ORC3: variants seen among roughly 807,000 people sequenced by gnomAD.
ORC3 encodes origin recognition complex subunit 3.
A neutral mutation model predicts 100.7 loss-of-function variants in ORC3; 78 were observed. The observed-to-expected ratio is 0.77, with a 90% CI of 0.65 to 0.94. The LOEUF (loss-of-function observed/expected upper bound fraction) is 0.94. ORC3 is among the 40% of genes least tolerant of loss of function. The pLI is 0.00. For missense variants in ORC3, 789 were observed against 823.9 expected (o/e 0.96, Z 0.52); for synonymous variants, 295 against 289.3 (o/e 1.02, Z -0.20).
At chr6:87,609,537 G>T (rs994319362) in intron 7 of ORC3, 6 of 198,320 alleles carry the variant, frequency 3.0e-5, no homozygotes, top group Non-Finnish European at 6.0e-5. Flanking sequence ...ACTCCAGGTT[G>T]AGTTTGTTGT....
At chr6:87,651,316 C>G (rs1330109414) in intron 13 of ORC3, 1 of 456,168 alleles carries the variant, frequency 2.2e-6, no homozygotes, top group South Asian at 1.5e-5. Flanking sequence ...ACCCGTCTTT[C>G]CCCTCCAAGC....
chr6:87,602,954 A>AATATATATATATATATATATATTATAT (rs397935596), intron 3 of ORC3, among the ~76,000 whole-genome samples: 32 of 95,244 alleles, frequency 3.4e-4, no homozygotes, highest in African/African-American at 1.2e-3. Context: ...ACACATATAT[A>AATATATATATATATATATATATTATAT]ATATATATAT....
At chr6:87,610,896 C>T (rs1437086935) in intron 7 of ORC3, among the ~76,000 whole-genome samples, 1 of 147,164 alleles carries the variant, frequency 6.8e-6, no homozygotes, top group Non-Finnish European at 1.5e-5. Flanking sequence ...ATCTTTTTTC[C>T]TTCATTGATT....
At chr6:87,595,343 T>G (rs1434121615) in intron 2 of ORC3, 1 of 152,236 alleles carries the variant, frequency 6.6e-6, no homozygotes, top group Non-Finnish European at 1.5e-5. Context: ...CACTAAGATT[T>G]CTCCCTATTC....
chr6:87,622,964 A>C (rs184109986), intron 11 of ORC3, among the ~76,000 whole-genome samples: 2 of 152,154 alleles, frequency 1.3e-5, no homozygotes, highest in Non-Finnish European at 2.9e-5. Flanking sequence ...TTTAGGAAAA[A>C]GTTGTTAGAA....
chr6:87,635,799 A>C (rs1767772966), intron 12 of ORC3, among the ~76,000 whole-genome samples: 1 of 152,134 alleles, frequency 6.6e-6, no homozygotes, highest in Non-Finnish European at 1.5e-5. Context: ...CTAAAAAAAA[A>C]GAATGACTTG....
chr6:87,650,956 G>A lies in ORC3; in HGVS notation c.1383-2160G>A, dbSNP rs142152474. ...TGGGAGGCAGAGGTTGCGGTGAGCC[G>A]AGATCACGCCATTGCACCCTAGCCT... On this transcript the variant is annotated intron_variant, in intron 13 of 19. Coordinates refer to ENST00000392844, the MANE Select transcript of ORC3 (RefSeq NM_012381.4). 1,257 of 332,982 alleles carry A rather than the reference G, an allele frequency of 3.8e-3. 22 individuals are homozygous for A. The highest frequency in any genetic ancestry group is 0.026 in the African/African-American group (1,192 of 46,594). 20.6% of individuals were successfully genotyped at this position (332,982 alleles called of 1,614,324 possible). A position where few individuals can be genotyped will look rare whatever the true frequency, so the allele number is the denominator to read the frequency against.
At chr6:87,593,304 G>A (rs555608429) in intron 1 of ORC3, among the ~76,000 whole-genome samples, 2 of 152,266 alleles carry the variant, frequency 1.3e-5, no homozygotes, top group African/African-American at 4.8e-5. Context: ...ATGTATGTTA[G>A]CACTATTCCA....
At chr6:87,617,514 C>T (rs1408710738) in intron 9 of ORC3, among the ~76,000 whole-genome samples, 1 of 152,056 alleles carries the variant, frequency 6.6e-6, no homozygotes, top group Admixed American at 6.6e-5. Flanking sequence ...GTGGGAGGAT[C>T]ACTTGAGCTT....
chr6:87,625,805 G>A (rs978362469), intron 11 of ORC3, among the ~76,000 whole-genome samples: 7 of 152,116 alleles, frequency 4.6e-5, no homozygotes, highest in Non-Finnish European at 7.4e-5. Context: ...TTCTTCTAGC[G>A]TTTTTATGGT....
chr6:87,616,937 A>G (rs1779199838), intron 9 of ORC3, among the ~76,000 whole-genome samples: 1 of 151,946 alleles, frequency 6.6e-6, no homozygotes. Flanking sequence ...AGCTGGGATT[A>G]CAGGTGCGTG....
At chr6:87,600,709 C>T (rs932796617) in intron 2 of ORC3, among the ~76,000 whole-genome samples, 3 of 152,048 alleles carry the variant, frequency 2.0e-5, no homozygotes, top group South Asian at 2.1e-4. Context: ...GTCAAATCAG[C>T]GGGAGAAGGA....
intron 11 of ORC3, among the ~76,000 whole-genome samples, chr6:87,629,003 C>G (rs999223727): frequency 6.6e-6 from 1 of 152,164 alleles, no homozygotes; most frequent in Non-Finnish European, 1.5e-5. Context: ...TTGATCTATA[C>G]TGCTGAGGTA....
intron 11 of ORC3, among the ~76,000 whole-genome samples, chr6:87,622,516 A>G (rs1779607743): frequency 6.6e-6 from 1 of 152,264 alleles, no homozygotes; most frequent in South Asian, 2.1e-4. Context: ...GCTGTACAAC[A>G]TAAGGAATAT....
At chr6:87,644,097 T>C (rs1317948334) in intron 13 of ORC3, among the ~76,000 whole-genome samples, 2 of 109,482 alleles carry the variant, frequency 1.8e-5, no homozygotes, top group Non-Finnish European at 3.7e-5. Context: ...TTTTTTTTTT[T>C]TTTTTTTTTT....
chr6:87,590,942 G>C (rs867921137), intron 1 of ORC3, among the ~76,000 whole-genome samples: 1 of 152,188 alleles, frequency 6.6e-6, no homozygotes, highest in African/African-American at 2.4e-5. Flanking sequence ...TGGCTACCTA[G>C]ATGGCAAGAA....
intron 11 of ORC3, among the ~76,000 whole-genome samples, chr6:87,634,374 G>A (rs1583097229): frequency 6.6e-6 from 1 of 152,098 alleles, no homozygotes; most frequent in East Asian, 1.9e-4. Context: ...ACACACTTGA[G>A]TAGTACTTTA....
chr6:87,606,727 T>C (rs1020849150), intron 5 of ORC3, among the ~76,000 whole-genome samples: 2 of 152,064 alleles, frequency 1.3e-5, no homozygotes, highest in African/African-American at 2.4e-5. Flanking sequence ...TTGTTGTTGT[T>C]GTTGTTTGTA....
intron 9 of ORC3, among the ~76,000 whole-genome samples, chr6:87,619,346 G>A (rs753584161): frequency 1.1e-4 from 17 of 152,176 alleles, no homozygotes; most frequent in Non-Finnish European, 1.6e-4. Flanking sequence ...ATGGTTTCCT[G>A]ATAATTTATT....
Sources: gnomAD v4.1 joint callset for allele counts (sites outside exome capture counted in the v4.1 genomes callset) on GRCh38, gnomAD v4.1.1 for gene constraint, MANE v1.5 for transcripts, NCBI Gene and HGNC (gene_info 2026-07-23, HGNC 2026-07-21) for gene names.